The following EBF2 variants were observed in gnomAD, a reference collection of about 807,000 sequenced individuals.
The protein encoded by EBF2 is transcription factor COE2.
EBF2 carries 21 observed loss-of-function variants against 72.8 expected under a neutral mutation model. That is an observed-to-expected ratio of 0.29 (90% CI 0.20 to 0.42). The LOEUF (loss-of-function observed/expected upper bound fraction) is 0.42. EBF2 is among the 10% of genes least tolerant of loss of function. The pLI, the probability that EBF2 is intolerant of heterozygous loss-of-function variation, is 1.00. For missense variants in EBF2, 637 were observed against 731.2 expected, an observed-to-expected ratio of 0.87 and a Z score of 1.49; for synonymous variants, 299 against 274.2, an observed-to-expected ratio of 1.09 and a Z score of -0.89.
At chr8:25,936,399 A>G (rs955229890) in intron 6 of EBF2, among the ~76,000 whole-genome samples, 53 of 152,250 alleles carry the variant, frequency 3.5e-4, no homozygotes, top group African/African-American at 1.2e-3. Flanking sequence ...GCCTTCTCAG[A>G]TTTGTTCCCT....
intron 10 of EBF2, among the ~76,000 whole-genome samples, chr8:25,866,351 G>C (rs1185647233): frequency 6.7e-6 from 1 of 149,682 alleles, no homozygotes. Context: ...TTCAATAAGG[G>C]TTCAATAAGG....
At chr8:25,860,978 T>G in intron 13 of EBF2, 71 bp downstream of exon 13, 1 of 1,574,074 alleles carries the variant, frequency 6.4e-7, no homozygotes, top group Non-Finnish European at 8.7e-7. Context: ...ACCCAACCTC[T>G]GACTCTGTCC....
At chr8:25,850,821 T>C (rs1801952402) in intron 14 of EBF2, 60 bp from the exon 15 acceptor site, 2 of 1,504,118 alleles carry the variant, frequency 1.3e-6, no homozygotes, top group East Asian at 2.6e-5. Flanking sequence ...GTTCACACAT[T>C]TGGCACACAT....
intron 11 of EBF2, 84 bp from the exon 12 acceptor site, chr8:25,861,458 A>T (rs1427412223): frequency 6.9e-7 from 1 of 1,459,100 alleles, no homozygotes; most frequent in Non-Finnish European, 9.5e-7. Flanking sequence ...AAAATGAGAA[A>T]TCCACACATC....
At chr8:26,030,495 C>T (rs763688158) in intron 6 of EBF2, among the ~76,000 whole-genome samples, 1 of 151,874 alleles carries the variant, frequency 6.6e-6, no homozygotes, top group Non-Finnish European at 1.5e-5. Flanking sequence ...TTAATGGGTG[C>T]AGCACACCAA....
At chr8:26,023,881 G>A (rs991620342) in intron 6 of EBF2, among the ~76,000 whole-genome samples, 3 of 152,112 alleles carry the variant, frequency 2.0e-5, no homozygotes, top group Admixed American at 6.6e-5. Flanking sequence ...CTTTCTAGCA[G>A]GTTCCCCTAC....
intron 6 of EBF2, among the ~76,000 whole-genome samples, chr8:26,017,747 T>C (rs1805135188): frequency 6.6e-6 from 1 of 152,164 alleles, no homozygotes; most frequent in Admixed American, 6.5e-5. Context: ...TCTGAAAATG[T>C]TCCTCCCAGA....
chr8:26,040,868 GC>G, intron 3 of EBF2, 70 bp downstream of exon 3: 1 of 1,598,358 alleles, frequency 6.3e-7, no homozygotes, highest in Middle Eastern at 1.8e-4. Context: ...AGTGATCATG[GC>G]AAGGTCAGCG....
chr8:25,868,049 A>G (rs896703519), intron 10 of EBF2, among the ~76,000 whole-genome samples: 2 of 152,104 alleles, frequency 1.3e-5, no homozygotes, highest in Non-Finnish European at 2.9e-5. Flanking sequence ...ACCTATCTGG[A>G]TTTTATTTCG....
At chr8:25,973,167 G>C (rs999106096) in intron 6 of EBF2, among the ~76,000 whole-genome samples, 1 of 152,070 alleles carries the variant, frequency 6.6e-6, no homozygotes, top group African/African-American at 2.4e-5. Context: ...GAGAGAACCA[G>C]GCTGTCCTTA....
At chr8:26,031,999 A>G (rs1358362213) in intron 6 of EBF2, 1 of 152,232 alleles carries the variant, frequency 6.6e-6, no homozygotes, top group African/African-American at 2.4e-5. Flanking sequence ...CAAACATTTT[A>G]TATTTGCCCA....
intron 6 of EBF2, among the ~76,000 whole-genome samples, chr8:25,995,936 T>C (rs897705370): frequency 6.6e-5 from 10 of 151,596 alleles, no homozygotes; most frequent in African/African-American, 2.4e-4. Flanking sequence ...GGCAGAAAAA[T>C]AATTATAGCT....
intron 6 of EBF2, among the ~76,000 whole-genome samples, chr8:25,941,857 A>G (rs1299916004): frequency 1.3e-5 from 2 of 152,210 alleles, no homozygotes; most frequent in African/African-American, 4.8e-5. Flanking sequence ...TGGAAATGCA[A>G]TGTGGATGTT....
intron 5 of EBF2, among the ~76,000 whole-genome samples, chr8:26,035,587 T>C (rs1805488078): frequency 6.6e-6 from 1 of 152,150 alleles, no homozygotes; most frequent in African/African-American, 2.4e-5. Flanking sequence ...AGTGAGTAAG[T>C]CTACCATCCT....
chr8:25,878,383 C>T (rs1194399001), intron 10 of EBF2, among the ~76,000 whole-genome samples: 1 of 152,178 alleles, frequency 6.6e-6, no homozygotes, highest in Non-Finnish European at 1.5e-5. Context: ...TGTCTTTCTC[C>T]TCCTAGGGAA....
At chr8:25,985,681 G>A (rs1450653090) in intron 6 of EBF2, among the ~76,000 whole-genome samples, 1 of 152,090 alleles carries the variant, frequency 6.6e-6, no homozygotes, top group African/African-American at 2.4e-5. Flanking sequence ...AGGTGGACAG[G>A]AATTACGGGA....
At chr8:25,910,849 G>A (rs1803113513) in intron 6 of EBF2, among the ~76,000 whole-genome samples, 1 of 152,080 alleles carries the variant, frequency 6.6e-6, no homozygotes, top group South Asian at 2.1e-4. Context: ...AGAAGACAGA[G>A]ACAGAAAGTT....
chr8:25,961,220 G>A (rs1257950127), intron 6 of EBF2, among the ~76,000 whole-genome samples: 2 of 152,136 alleles, frequency 1.3e-5, no homozygotes, highest in Non-Finnish European at 2.9e-5. Flanking sequence ...CTACTTTTAT[G>A]TGTCTTAAAA....
intron 1 of EBF2, among the ~76,000 whole-genome samples, chr8:26,042,936 C>T (rs1038780630): frequency 6.6e-6 from 1 of 152,190 alleles, no homozygotes; most frequent in Non-Finnish European, 1.5e-5. Context: ...CCCCGGGGAT[C>T]GCTGGCCACC....
Sources: allele counts gnomAD v4.1 joint callset (sites outside exome capture counted in the v4.1 genomes callset), GRCh38; gene constraint gnomAD v4.1.1; transcripts MANE v1.5; gene names NCBI Gene and HGNC (gene_info 2026-07-23, HGNC 2026-07-21).